PUM1: variants seen among roughly 807,000 people sequenced by gnomAD.
PUM1 encodes pumilio RNA binding family member 1, also known as pumilio homolog 1.
Under a neutral mutation model 131.8 loss-of-function variants are expected in PUM1, and 13 were observed. That is an observed-to-expected ratio of 0.10 (90% CI 0.06 to 0.16). The LOEUF (loss-of-function observed/expected upper bound fraction) is 0.16. PUM1 is among the 10% of genes least tolerant of loss of function. The probability of loss-of-function intolerance (pLI) is 1.00; values close to 1 mark genes in which losing one functional copy is unlikely to be tolerated. For synonymous variants in PUM1, 509 were observed against 556.5 expected (o/e 0.91, Z 1.20); for missense variants, 961 against 1,512.4 (o/e 0.64, Z 6.05).
intron 2 of PUM1, chr1:31,050,959 C>G (rs1644094031): frequency 5.7e-6 from 1 of 174,498 alleles, no homozygotes; most frequent in Non-Finnish European, 1.3e-5. Context: ...CCAGCAAGAT[C>G]TGATCCAAAT....
intron 7 of PUM1, among the ~76,000 whole-genome samples, chr1:30,985,650 C>CAAAAAAAAAAAAAAAAAAAAAAAAAAA (rs372548441): frequency 1.5e-5 from 1 of 65,242 alleles, no homozygotes. Flanking sequence ...AACTCCATCT[C>CAAAAAAAAAAAAAAAAAAAAAAAAAAA]AAAAAAAAAA....
chr1:31,012,728 CACACTTA>C (rs1430739596), intron 3 of PUM1, among the ~76,000 whole-genome samples: 1 of 151,956 alleles, frequency 6.6e-6, no homozygotes, highest in African/African-American at 2.4e-5. Context: ...TACGCAAAAC[CACACTTA>C]ACACTTAACA....
chr1:31,025,899 AT>A (rs1643204571), intron 3 of PUM1, among the ~76,000 whole-genome samples: 1 of 152,158 alleles, frequency 6.6e-6, no homozygotes, highest in East Asian at 1.9e-4. Flanking sequence ...GAGATGTTTT[AT>A]TGCTAAAAAG....
intron 4 of PUM1, among the ~76,000 whole-genome samples, chr1:31,006,253 G>C (rs1382602977): frequency 6.6e-6 from 1 of 152,098 alleles, no homozygotes; most frequent in Non-Finnish European, 1.5e-5. Context: ...AGTTTATCTA[G>C]CTTATCTGGT....
In PUM1 at chr1:31,038,958, T is replaced by TTATA. The variant is rs200492434; in HGVS notation, c.364-10098_364-10095dup. Reference sequence around the variant, plus strand: ...TAGCCATTTAAAATGTTTTAAAATTTTATATATATATATATATATATATAT... The same window carrying TTATA: ...TAGCCATTTAAAATGTTTTAAAATTTTATATATATATATATATATATATATATAT... On this transcript the variant is annotated intron_variant, in intron 2 of 21. Coordinates refer to ENST00000426105, the MANE Select transcript of PUM1 (RefSeq NM_001020658.2). Among the ~76,000 whole-genome samples the TTATA allele has an allele frequency of 6.3e-3, 277 of 43,702 alleles. 3 individuals are homozygous for TTATA. The highest frequency in any genetic ancestry group is 7.2e-3 in the Non-Finnish European group (194 of 26,818). 28.7% of individuals were successfully genotyped at this position (43,702 alleles called of 152,430 possible).
intron 7 of PUM1, 94 bp downstream of exon 7, chr1:30,992,296 T>TGCC: frequency 2.7e-6 from 4 of 1,500,788 alleles, no homozygotes; most frequent in Non-Finnish European, 3.6e-6. Context: ...CCTGAAACAA[T>TGCC]GCCACCACCT....
chr1:30,939,947 T>C (rs1478578238), intron 20 of PUM1, among the ~76,000 whole-genome samples: 1 of 152,168 alleles, frequency 6.6e-6, no homozygotes, highest in Admixed American at 6.5e-5. Context: ...AGAAATTAAA[T>C]ACTGTGAACA....
chr1:30,937,862 G>A (rs866932452), intron 20 of PUM1, among the ~76,000 whole-genome samples: 4 of 151,388 alleles, frequency 2.6e-5, no homozygotes, highest in Admixed American at 6.6e-5. Flanking sequence ...TCTGCCTCCC[G>A]GATTCAAATA....
intron 3 of PUM1, among the ~76,000 whole-genome samples, chr1:31,021,777 G>A (rs1643036326): frequency 6.6e-6 from 1 of 151,888 alleles, no homozygotes; most frequent in South Asian, 2.1e-4. Context: ...TAATGGGAGG[G>A]AGCAAAAAAG....
rs1639627048 is a variant in PUM1 at position 30,945,331 on chromosome 1, T to C, written c.2994+15A>G. The C allele has an allele frequency of 1.9e-6, 3 of 1,613,484 alleles. No homozygotes were observed. Among genetic ancestry groups the C allele is most frequent in the Non-Finnish European group, 2.5e-6 (3 of 1,179,688 alleles). On this transcript the variant is annotated intron_variant, in intron 18 of 21. Transcript: ENST00000426105. ...AATAAATTTGTTTCCATTATTTCTC[T>C]CCTGGGTCACTTACCTGTCCCTTAA...
intron 1 of PUM1, among the ~76,000 whole-genome samples, chr1:31,061,372 C>T (rs1644363270): frequency 6.6e-6 from 1 of 152,232 alleles, no homozygotes; most frequent in Non-Finnish European, 1.5e-5. Flanking sequence ...AATCCCAGCA[C>T]TTTGGGAGGC....
chr1:31,006,035 C>A lies in PUM1; in HGVS notation c.542-4G>T. On this transcript the variant is annotated splice_region_variant and splice_polypyrimidine_tract_variant and intron_variant, in intron 4 of 21. Coordinates refer to ENST00000426105, the MANE Select transcript of PUM1 (RefSeq NM_001020658.2). ...ATTGGCTGGGAAACTGAATGATCTACAAAAAAGATACACAAGCATGATACA... is the reference window on the plus strand; with the variant it reads ...ATTGGCTGGGAAACTGAATGATCTAAAAAAAAGATACACAAGCATGATACA... 2 of 1,593,480 alleles carry A rather than the reference C, an allele frequency of 1.3e-6. No individual in the cohort carries two copies. Among genetic ancestry groups the A allele is most frequent in the Admixed American group, 1.8e-5 (1 of 55,536 alleles).
chr1:31,010,327 C>T (rs1642564645), intron 3 of PUM1, among the ~76,000 whole-genome samples: 2 of 152,174 alleles, frequency 1.3e-5, no homozygotes, highest in Non-Finnish European at 2.9e-5. Context: ...TGAGTAATCC[C>T]CTTCCCCTGA....
intron 7 of PUM1, among the ~76,000 whole-genome samples, chr1:30,984,542 G>A (rs934623442): frequency 2.0e-5 from 3 of 152,152 alleles, no homozygotes; most frequent in Non-Finnish European, 4.4e-5. Flanking sequence ...TAATTCACTT[G>A]GGTAGATTTC....
chr1:30,969,159 C>A (rs1357771778), intron 10 of PUM1, among the ~76,000 whole-genome samples: 2 of 151,884 alleles, frequency 1.3e-5, no homozygotes, highest in East Asian at 1.9e-4. Flanking sequence ...CAAAAATTAG[C>A]CAGGCGTGGC....
intron 21 of PUM1, among the ~76,000 whole-genome samples, chr1:30,936,379 G>A (rs1011094651): frequency 1.8e-4 from 28 of 152,218 alleles, no homozygotes; most frequent in African/African-American, 6.8e-4. Flanking sequence ...GGACTCATAA[G>A]CTGATTCTCT....
intron 1 of PUM1, among the ~76,000 whole-genome samples, chr1:31,060,853 T>C (rs1020701996): frequency 2.7e-5 from 4 of 150,382 alleles, no homozygotes; most frequent in Admixed American, 2.0e-4. Flanking sequence ...ACCACTGCAC[T>C]CCAGCCTGGG....
chr1:31,049,259 T>C (rs1644048123), intron 2 of PUM1, among the ~76,000 whole-genome samples: 1 of 151,894 alleles, frequency 6.6e-6, no homozygotes, highest in South Asian at 2.1e-4. Context: ...CTCATGCCTA[T>C]AATCCCAGCA....
chr1:31,005,738 T>C (rs1172241280), intron 5 of PUM1, 115 bp downstream of exon 5: 2 of 987,596 alleles, frequency 2.0e-6, no homozygotes, highest in East Asian at 5.0e-5. Flanking sequence ...CTGTAATTAA[T>C]GCTGTGAACA....
Sources: allele counts gnomAD v4.1 joint callset (sites outside exome capture counted in the v4.1 genomes callset), GRCh38; gene constraint gnomAD v4.1.1; transcripts MANE v1.5; gene names NCBI Gene and HGNC (gene_info 2026-07-23, HGNC 2026-07-21).